GSDMD: variants seen among roughly 807,000 people sequenced by gnomAD.
GSDMD encodes gasdermin D.
A neutral mutation model predicts 46.7 loss-of-function variants in GSDMD; 46 were observed. That is an observed-to-expected ratio of 0.99 (90% CI 0.78 to 1.26). The LOEUF (loss-of-function observed/expected upper bound fraction) is 1.26. Among genes scored for constraint, GSDMD ranks in the 50% most tolerant of loss-of-function variants. GSDMD has a pLI of 0.00. For missense variants in GSDMD, 649 were observed against 638.8 expected (o/e 1.02, Z -0.17); for synonymous variants, 307 against 283.1 (o/e 1.08, Z -0.85).
At chr8:143,561,858 C>T (rs760807209) in intron 7 of GSDMD, 30 bp downstream of exon 7, 1 of 1,610,700 alleles carries the variant, frequency 6.2e-7, no homozygotes, top group South Asian at 1.1e-5. Flanking sequence ...CCCCGGGGAC[C>T]TTTGGTGGGC....
rs747739120 is a variant in GSDMD at position 143,562,022 on chromosome 8, C to T, written c.887C>T (p.Thr296Ile). Reference protein sequence around the residue: ...DFQGLRAEVETISKELELLDR... With the variant: ...DFQGLRAEVEIISKELELLDR... ...CAGGGCCTACGGGCAGAGGTGGAGA[C>T]CATCTCCAAGGAACTGGAGCTTTTG... The change falls in exon 8 of 11, where the codon ACC (threonine) becomes ATC (isoleucine). Residue 296 changes from threonine to isoleucine, a missense_variant. Physicochemically the swap from Thr to Ile is moderately conservative, Grantham distance 89. Coordinates refer to ENST00000262580, the MANE Select transcript of GSDMD (RefSeq NM_024736.7). The T allele has an allele frequency of 3.1e-6, 5 of 1,603,222 alleles. No individual in the cohort carries two copies. In the South Asian group the frequency reaches 5.5e-5, roughly 18 times the overall value.
In GSDMD at chr8:143,562,715, C is replaced by A; in HGVS notation, c.1266C>A (p.Ser422=). ...SAPWQERSTM[S]LPPGLLGNSW... ...CGTGGCAGGAGCGCAGCACCATGTC[C>A]CTGCCCCCCGGGCTCCTGGGGAACA... is the stretch of plus-strand genomic sequence containing the variant. Residue 422 remains serine, a synonymous_variant, in exon 11 of 11, where the codon TCC becomes TCA. Coordinates refer to ENST00000262580, the MANE Select transcript of GSDMD (RefSeq NM_024736.7). 6.3e-7 allele frequency: 1 copy of A among 1,595,922 alleles called. No individual in the cohort carries two copies.
intron 1 of GSDMD, chr8:143,559,072 G>A: frequency 1.7e-6 from 1 of 595,208 alleles, no homozygotes; most frequent in Non-Finnish European, 3.0e-6. Flanking sequence ...TGTTAGAGCA[G>A]GTCTGGGCGT....
upstream of GSDMD, chr8:143,558,183 G>T (rs1432738512): frequency 6.4e-6 from 5 of 781,284 alleles, no homozygotes; most frequent in South Asian, 1.9e-5. Context: ...AAAGTGCTAT[G>T]AAGTTTGAGG....
intron 2 of GSDMD, 50 bp from the exon 3 acceptor site, chr8:143,559,727 G>A (rs182970160): frequency 9.1e-6 from 14 of 1,538,750 alleles, no homozygotes; most frequent in Middle Eastern, 2.3e-4. Context: ...TGGTGGGGGC[G>A]GGGGAGAGGC....
In GSDMD at chr8:143,562,786, G is replaced by T; in HGVS notation, c.1337G>T (p.Gly446Val). ...APAWVLLDECGLELGEDTPHV... is the reference protein window; with the variant it reads ...APAWVLLDECVLELGEDTPHV... ...GCCTGGGTCTTGCTGGACGAGTGTG[G>T]CCTAGAGCTGGGGGAGGACACTCCC... The change falls in exon 11 of 11, where the codon GGC (glycine) becomes GTC (valine). Residue 446 changes from glycine to valine, a missense_variant. Transcript: ENST00000262580. 1 of 1,596,966 alleles carries T rather than the reference G, an allele frequency of 6.3e-7. No homozygotes were observed. The highest frequency in any genetic ancestry group is 2.3e-5 in the East Asian group (1 of 43,730).
At chr8:143,559,143 G>A (rs7840166) in intron 1 of GSDMD, 189 bp from the exon 2 acceptor site, 116,712 of 603,768 alleles carry the variant, frequency 0.19, 11,996 homozygotes, top group Middle Eastern at 0.26. Context: ...GGAGAACACT[G>A]TAATTCTGTG....
chr8:143,559,280 T>TCCCCCCCCCCCCCCCCCCCC, intron 1 of GSDMD, 52 bp from the exon 2 acceptor site: 1 of 579,430 alleles, frequency 1.7e-6, no homozygotes, highest in East Asian at 3.2e-5. Context: ...CTTCTCCCAC[T>TCCCCCCCCCCCCCCCCCCCC]CCCTCCCGCC....
upstream of GSDMD, among the ~76,000 whole-genome samples, chr8:143,554,062 A>G (rs1165159803): frequency 8.8e-6 from 1 of 113,432 alleles, no homozygotes; most frequent in African/African-American, 2.7e-5. Flanking sequence ...ACCTAGAGGC[A>G]GCGAGGCTGT....
Position 143,562,491 on chromosome 8 carries a change from G to T in GSDMD, c.1182G>T (p.Glu394Asp). Residue 394 changes from glutamate (E) to aspartate (D), a missense_variant, in exon 10 of 11, where the codon GAG (glutamate) becomes GAT (aspartate). Transcript: ENST00000262580. ...ACAAGCTGCTGGCGGAGGCGCTGGA[G>T]TCGCAGACCCTGTTGGGGCCGCTCG... ...TQHKLLAEAL[E>D]SQTLLGPLEL... is the part of the protein sequence containing the mutation. 1 of 1,608,794 alleles carries T rather than the reference G, an allele frequency of 6.2e-7. No individual in the cohort carries two copies.
intron 1 of GSDMD, 77 bp downstream of exon 1, chr8:143,558,528 G>T (rs1055555182): frequency 6.1e-6 from 8 of 1,305,280 alleles, no homozygotes; most frequent in Non-Finnish European, 8.0e-6. Context: ...CCGGGTGGGG[G>T]ATGCTGGCCC....
rs1448761563 is a variant in GSDMD at position 143,560,622 on chromosome 8, C to T, written c.430C>T (p.His144Tyr). The part of the protein sequence containing the change: ...LHERHLRQPE[H>Y]KVLQQLRSRG... ...ACACAGGCACCTGCGGCAGCCAGAA[C>T]ACAAAGTCCTGCAGCAGCTGCGCAG... The change falls in exon 4 of 11, where the codon CAC becomes TAC. Residue 144 changes from histidine to tyrosine, a missense_variant. Physicochemically the swap from His to Tyr is moderately conservative, Grantham distance 83. Transcript: ENST00000262580. 3 of 1,588,010 alleles carry T rather than the reference C, an allele frequency of 1.9e-6. No homozygotes were observed. Among genetic ancestry groups the T allele is most frequent in the Non-Finnish European group, 2.6e-6 (3 of 1,167,708 alleles).
intron 3 of GSDMD, 61 bp from the exon 4 acceptor site, chr8:143,560,540 CAG>C (rs779483379): frequency 6.7e-6 from 10 of 1,492,654 alleles, no homozygotes; most frequent in African/African-American, 5.6e-5. Flanking sequence ...GTGGGGCTGT[CAG>C]GGGAGGGAAG....
intron 6 of GSDMD, 100 bp downstream of exon 6, chr8:143,561,523 C>CGGGCAGCCCCCTGAGGCGGT: frequency 4.7e-6 from 6 of 1,264,472 alleles, no homozygotes; most frequent in Non-Finnish European, 6.7e-6. Flanking sequence ...ACAGGGAGGC[C>CGGGCAGCCCCCTGAGGCGGT]GGGCAGCCCC....
chr8:143,558,555 G>A (rs532939073), intron 1 of GSDMD, 104 bp downstream of exon 1: 4 of 1,133,778 alleles, frequency 3.5e-6, no homozygotes, highest in Non-Finnish European at 4.7e-6. Flanking sequence ...CCCAGCGTTC[G>A]CCCAGAAGGC....
Position 143,559,416 on chromosome 8 carries a change from C to T in GSDMD, c.81C>T (p.Ser27=), listed in dbSNP as rs1458108657. ...GTGGGGAGTTCATCCCTGTGACCAG[C>T]CTGCAGAGCTCCACTGGCTTCCAGC... ...DHGGEFIPVT[S]LQSSTGFQPY... Residue 27 remains serine, a synonymous_variant, in exon 2 of 11, where the codon AGC becomes AGT. Transcript: ENST00000262580. 6.2e-7 allele frequency: 1 copy of T among 1,612,960 alleles called. No homozygotes were observed.
Position 143,559,784 on chromosome 8 carries a change from G to T in GSDMD, c.225G>T (p.Gln75His). 6.3e-7 allele frequency: 1 copy of T among 1,597,116 alleles called. No homozygotes were observed. Among genetic ancestry groups the T allele is most frequent in the Non-Finnish European group, 8.5e-7 (1 of 1,171,702 alleles). ...LEPDAAEPDV[Q>H]RGRSFHFYDA... is the part of the protein sequence containing the mutation. ...GGTCTGGCCTTGCTTTAGACGTGCA[G>T]CGTGGCAGGAGCTTCCACTTCTACG... The change falls in exon 3 of 11, where the codon CAG becomes CAT. Residue 75 changes from glutamine to histidine, a missense_variant. Transcript: ENST00000262580.
chr8:143,562,509 G>T lies in GSDMD; in HGVS notation c.1200G>T (p.Gly400=). ...CGCTGGAGTCGCAGACCCTGTTGGG[G>T]CCGCTCGAGCTGGTGAGAGGGTTGG... ...AEALESQTLL[G]PLELVGSLLE... Residue 400 remains glycine (G), a synonymous_variant, in exon 10 of 11, where the codon GGG becomes GGT. Coordinates refer to ENST00000262580, the MANE Select transcript of GSDMD (RefSeq NM_024736.7). 6.2e-7 allele frequency: 1 copy of T among 1,607,366 alleles called. No individual in the cohort carries two copies.
chr8:143,561,876 C>G (rs990569580), intron 7 of GSDMD, 48 bp downstream of exon 7: 36 of 1,608,366 alleles, frequency 2.2e-5, no homozygotes, highest in Non-Finnish European at 3.0e-5. Context: ...GGCTCTCCTG[C>G]CCCCTGGGGT....
Sources: gnomAD v4.1 joint callset for allele counts (sites outside exome capture counted in the v4.1 genomes callset) on GRCh38, gnomAD v4.1.1 for gene constraint, MANE v1.5 for transcripts, NCBI Gene and HGNC (gene_info 2026-07-23, HGNC 2026-07-21) for gene names.